FSTL4: variants seen among roughly 807,000 people sequenced by gnomAD.
FSTL4 encodes follistatin like 4, also known as follistatin-related protein 4.
Under a neutral mutation model 78.2 loss-of-function variants are expected in FSTL4, and 28 were observed. The ratio of observed to expected loss-of-function variants is 0.36; its 90% CI spans 0.27 to 0.49. FSTL4 has a LOEUF of 0.49. FSTL4 is among the 20% of genes least tolerant of loss of function. The probability of loss-of-function intolerance (pLI) is 0.98; values close to 1 mark genes in which losing one functional copy is unlikely to be tolerated. For missense variants in FSTL4, 922 were observed against 1,084.9 expected (o/e 0.85, Z 2.11); for synonymous variants, 422 against 440.5 (o/e 0.96, Z 0.53).
At chr5:133,436,708 A>G (rs1251997615) in intron 3 of FSTL4, among the ~76,000 whole-genome samples, 2 of 152,138 alleles carry the variant, frequency 1.3e-5, no homozygotes, top group Non-Finnish European at 2.9e-5. Context: ...AAATTGGCAA[A>G]TGCTATAAAT....
chr5:133,212,390 T>C (rs1750759637), intron 13 of FSTL4, among the ~76,000 whole-genome samples: 1 of 152,234 alleles, frequency 6.6e-6, no homozygotes, highest in Non-Finnish European at 1.5e-5. Flanking sequence ...GCAGCAAGGC[T>C]ATGGCAGCCA....
chr5:133,459,521 C>T (rs774074068), intron 3 of FSTL4, among the ~76,000 whole-genome samples: 1 of 152,114 alleles, frequency 6.6e-6, no homozygotes, highest in Non-Finnish European at 1.5e-5. Flanking sequence ...AATTGTTTTG[C>T]TCTCAAAAAT....
At chr5:133,305,308 T>C (rs568825517) in intron 6 of FSTL4, among the ~76,000 whole-genome samples, 7 of 152,274 alleles carry the variant, frequency 4.6e-5, no homozygotes, top group Admixed American at 4.6e-4. Flanking sequence ...GCTGGCCTTC[T>C]CCAAGCCCTG....
In FSTL4 at chr5:133,542,253, C is replaced by G. The variant is rs150840941; in HGVS notation, c.160+24933G>C. Among the ~76,000 whole-genome samples, 1,001 of 152,186 alleles carry G rather than the reference C, an allele frequency of 6.6e-3. 12 individuals are homozygous for G. The highest frequency in any genetic ancestry group is 0.022 in the African/African-American group (920 of 41,522). ...TATATCTATTGAGATGATTATATGA[C>G]TTATCCACTTAAAATTGTTCTGTGG... is the stretch of plus-strand genomic sequence containing the variant. On this transcript the variant is annotated intron_variant, in intron 3 of 15. Coordinates refer to ENST00000265342, the MANE Select transcript of FSTL4 (RefSeq NM_015082.2).
At chr5:133,779,935 C>G in the FSTL4 span, among the ~76,000 whole-genome samples, 202 of 152,220 alleles carry the variant, frequency 1.3e-3, no homozygotes, top group African/African-American at 4.6e-3. Context: ...CAAGATGGAT[C>G]AGGAGGGGAA....
intron 3 of FSTL4, among the ~76,000 whole-genome samples, chr5:133,546,591 A>G (rs1431998153): frequency 6.6e-6 from 1 of 151,772 alleles, no homozygotes; most frequent in Non-Finnish European, 1.5e-5. Context: ...TCTTTTGTTA[A>G]GGAGATTAGT....
At chr5:133,237,945 T>G (rs756025613) in intron 7 of FSTL4, among the ~76,000 whole-genome samples, 6 of 152,230 alleles carry the variant, frequency 3.9e-5, no homozygotes, top group Non-Finnish European at 8.8e-5. Flanking sequence ...GACCATTCTT[T>G]GTATTGATGC....
At chr5:133,409,139 G>C (rs11957834) in intron 3 of FSTL4, among the ~76,000 whole-genome samples, 3,609 of 152,224 alleles carry the variant, frequency 0.024, 134 homozygotes, top group African/African-American at 0.082. Flanking sequence ...ACTCCGCCTG[G>C]CTTCCAAGGT....
chr5:133,570,215 A>C (rs1015433548), intron 2 of FSTL4, among the ~76,000 whole-genome samples: 2 of 152,078 alleles, frequency 1.3e-5, no homozygotes, highest in African/African-American at 2.4e-5. Context: ...TCAAAAAAAA[A>C]ACAAAAAACA....
At chr5:133,549,974 G>C (rs1759659518) in intron 3 of FSTL4, among the ~76,000 whole-genome samples, 1 of 152,170 alleles carries the variant, frequency 6.6e-6, no homozygotes, top group African/African-American at 2.4e-5. Context: ...TTTATGTAGA[G>C]GAGGTTTTCT....
Position 133,199,636 on chromosome 5 carries a change from T to C in FSTL4, c.1988A>G (p.Asp663Gly). ...GGYFFIQCRQ[D>G]SPASAARQLL... ...CTGTCGGGCAGCAGAGGCGGGGCTG[T>C]CCTGTCGGCACTGGATGAAGAAGTA... Residue 663 changes from aspartate (D) to glycine (G), a missense_variant, in exon 16 of 16, where the codon GAC becomes GGC. By Grantham distance (94) the Asp-to-Gly change is moderately conservative. Transcript: ENST00000265342. This position sits in a 1 kb window ranked among gnomAD's most constrained non-coding sequence, Gnocchi z 4.4. 1 of 1,614,184 alleles carries C rather than the reference T, an allele frequency of 6.2e-7. No individual in the cohort carries two copies. The highest frequency in any genetic ancestry group is 8.5e-7 in the Non-Finnish European group (1 of 1,180,044).
chr5:133,760,864 G>C, the FSTL4 span, among the ~76,000 whole-genome samples: 6,441 of 152,332 alleles, frequency 0.042, 204 homozygotes, highest in South Asian at 0.079. Flanking sequence ...CAAACCAGAA[G>C]AAGGTGAGTG....
At chr5:133,557,820 T>C (rs530873527) in intron 3 of FSTL4, among the ~76,000 whole-genome samples, 4 of 152,228 alleles carry the variant, frequency 2.6e-5, no homozygotes, top group Admixed American at 6.5e-5. Context: ...AAGCCATAAG[T>C]CCTCTTTTTG....
At chr5:133,330,365 G>T (rs990268231) in intron 4 of FSTL4, among the ~76,000 whole-genome samples, 1 of 152,202 alleles carries the variant, frequency 6.6e-6, no homozygotes, top group Admixed American at 6.5e-5. Context: ...GAGGCCTCAG[G>T]AAGCTTTTAC....
chr5:133,203,974 ATAG>A (rs1750411684), intron 14 of FSTL4, among the ~76,000 whole-genome samples: 1 of 23,480 alleles, frequency 4.3e-5, no homozygotes, highest in African/African-American at 1.8e-4. Flanking sequence ...TGCCCTAAAG[ATAG>A]ATAACTGTCA....
chr5:133,745,567 G>A, the FSTL4 span, among the ~76,000 whole-genome samples: 5 of 152,222 alleles, frequency 3.3e-5, no homozygotes, highest in Admixed American at 2.0e-4. Context: ...CAGGTGGGCT[G>A]AATTGCAAAT....
chr5:133,443,578 T>C (rs1757204031), intron 3 of FSTL4, among the ~76,000 whole-genome samples: 1 of 152,218 alleles, frequency 6.6e-6, no homozygotes, highest in African/African-American at 2.4e-5. Context: ...AATCTGAGCC[T>C]GGGTGTGTCT....
At chr5:133,336,756 C>G (rs1007957983) in intron 4 of FSTL4, among the ~76,000 whole-genome samples, 1 of 152,186 alleles carries the variant, frequency 6.6e-6, no homozygotes, top group African/African-American at 2.4e-5. Context: ...TTCTATTGAG[C>G]CAGCCAGGTC....
At chr5:133,796,854 G>A in the FSTL4 span, among the ~76,000 whole-genome samples, 23 of 152,038 alleles carry the variant, frequency 1.5e-4, no homozygotes, top group Non-Finnish European at 3.2e-4. Context: ...CTTTGCCAGG[G>A]AATCGCCCTG....
Sources: allele counts gnomAD v4.1 joint callset (sites outside exome capture counted in the v4.1 genomes callset), GRCh38; gene constraint gnomAD v4.1.1; non-coding constraint Gnocchi (gnomAD v3.1); transcripts MANE v1.5; gene names NCBI Gene and HGNC (gene_info 2026-07-23, HGNC 2026-07-21).